The following SCAF4 variants were observed in gnomAD, a reference collection of about 807,000 sequenced individuals.
The protein encoded by SCAF4 is SR-related CTD associated factor 4.
A neutral mutation model predicts 129.8 loss-of-function variants in SCAF4; 25 were observed. The observed-to-expected ratio is 0.19, with a 90% CI of 0.14 to 0.27. The LOEUF (loss-of-function observed/expected upper bound fraction) is 0.27, where lower values mean the gene tolerates loss of function less well. SCAF4 is among the 10% of genes least tolerant of loss of function. The probability of loss-of-function intolerance (pLI) is 1.00; values close to 1 mark genes in which losing one functional copy is unlikely to be tolerated. For missense variants in SCAF4, 1,246 were observed against 1,457.1 expected (o/e 0.86, Z 2.36); for synonymous variants, 551 against 497.7 (o/e 1.11, Z -1.43).
At chr21:31,697,359 G>C (rs2050413136) in intron 7 of SCAF4, among the ~76,000 whole-genome samples, 1 of 152,148 alleles carries the variant, frequency 6.6e-6, no homozygotes, top group African/African-American at 2.4e-5. Flanking sequence ...CACATATCTA[G>C]AAGAACAATT....
At chr21:31,679,899 A>G (rs2049956832) in intron 19 of SCAF4, among the ~76,000 whole-genome samples, 1 of 152,234 alleles carries the variant, frequency 6.6e-6, no homozygotes, top group Non-Finnish European at 1.5e-5. Flanking sequence ...TGTTACTATA[A>G]TTGACAAAGT....
rs1442759577 is a variant in SCAF4, at chr21:31,692,026, C to A, written c.1615-96G>T. On this transcript the variant is annotated intron_variant, in intron 13 of 19. Transcript: ENST00000286835. ...GCAGTTCCAACAATCCCATCCCTCA[C>A]CCCATGCTATATAATGTAAGGTTAA... 35 of 653,014 alleles carry A rather than the reference C, an allele frequency of 5.4e-5. No homozygotes were observed. The Admixed American group carries it at 1.0e-3, about 19-fold the overall frequency. The allele number at this position is 653,014 out of a possible 1,614,324, so 40.5% of individuals were successfully genotyped here.
chr21:31,688,541 G>C, intron 15 of SCAF4, 77 bp from the exon 16 acceptor site: 1 of 1,265,496 alleles, frequency 7.9e-7, no homozygotes, highest in Middle Eastern at 1.9e-4. Context: ...GAAAAATGTT[G>C]ATTATAAAAA....
At chr21:31,727,071 T>G (rs553098581) in intron 1 of SCAF4, among the ~76,000 whole-genome samples, 1 of 151,930 alleles carries the variant, frequency 6.6e-6, no homozygotes, top group Non-Finnish European at 1.5e-5. Context: ...CTCTGCACTA[T>G]TTTTGTACTT....
intron 15 of SCAF4, among the ~76,000 whole-genome samples, chr21:31,690,355 C>T (rs61317198): frequency 0.057 from 8,615 of 151,990 alleles, 292 homozygotes; most frequent in African/African-American, 0.088. Context: ...CAAGGTGGCA[C>T]GCGCCTGTAG....
At position 31,692,363 on chromosome 21, in the gene SCAF4, T is replaced by C. The variant is rs780630325; in HGVS notation, c.1600A>G (p.Ile534Val). 1 of 1,613,104 alleles carries C rather than the reference T, an allele frequency of 6.2e-7. No individual in the cohort carries two copies. Among genetic ancestry groups the C allele is most frequent in the Admixed American group, 1.7e-5 (1 of 60,026 alleles). ...TAAACACTCACATTAATTGATTCAA[T>C]TGGACCAAACTCTTCCAAGAGACTG... is the stretch of plus-strand genomic sequence containing the variant. ...VASLLEEFGP[I>V]ESINMIPPRG... Residue 534 changes from isoleucine (I) to valine (V), a missense_variant, in exon 13 of 20, where the codon ATT becomes GTT. Transcript: ENST00000286835.
intron 9 of SCAF4, among the ~76,000 whole-genome samples, 159 bp from the exon 10 acceptor site, chr21:31,695,139 G>GC (rs918253966): frequency 2.6e-5 from 4 of 152,112 alleles, no homozygotes; most frequent in Non-Finnish European, 5.9e-5. Flanking sequence ...CAATTTCCAC[G>GC]CAAGAATTGT....
At chr21:31,731,212 C>T (rs2051346256) in intron 1 of SCAF4, among the ~76,000 whole-genome samples, 1 of 152,202 alleles carries the variant, frequency 6.6e-6, no homozygotes, top group Admixed American at 6.5e-5. Context: ...ACCTCTCCGC[C>T]AGCCCCACGA....
rs61592268 is a variant in SCAF4, at chr21:31,688,114, CAAAAA to C, written c.2043+188_2043+192del. On this transcript the variant is annotated intron_variant, in intron 16 of 19. Coordinates refer to ENST00000286835, the MANE Select transcript of SCAF4 (RefSeq NM_020706.2). Reference sequence around the variant, plus strand: ...TGGGCAACAAAGAGAGACTCTGTCTCAAAAAAAAAAAAAAAAAAAAAAAAAAAAAA... The same window carrying C: ...TGGGCAACAAAGAGAGACTCTGTCTCAAAAAAAAAAAAAAAAAAAAAAAAA... Among the ~76,000 whole-genome samples the C allele has an allele frequency of 1.4e-3, 15 of 10,900 alleles. No individual in the cohort carries two copies. In the East Asian group the frequency reaches 0.022, roughly 16 times the overall value. 7.2% of individuals were successfully genotyped at this position (10,900 alleles called of 152,430 possible). A position where few individuals can be genotyped will look rare whatever the true frequency, so the allele number is the denominator to read the frequency against.
At chr21:31,690,006 T>C (rs1310326327) in intron 15 of SCAF4, among the ~76,000 whole-genome samples, 1 of 152,120 alleles carries the variant, frequency 6.6e-6, no homozygotes, top group African/African-American at 2.4e-5. Context: ...TTCCTCTGTC[T>C]AGCAATCTCC....
At chr21:31,727,292 C>A (rs1322297805) in intron 1 of SCAF4, among the ~76,000 whole-genome samples, 1 of 151,680 alleles carries the variant, frequency 6.6e-6, no homozygotes, top group Non-Finnish European at 1.5e-5. Context: ...GTTAGCCAGG[C>A]TGGTCTGTAA....
At chr21:31,689,908 C>T (rs1305354710) in intron 15 of SCAF4, among the ~76,000 whole-genome samples, 1 of 151,864 alleles carries the variant, frequency 6.6e-6, no homozygotes, top group Non-Finnish European at 1.5e-5. Context: ...GCACTCCAGC[C>T]TTAGTGACAG....
chr21:31,693,442 T>C lies in SCAF4; in HGVS notation c.1365A>G (p.Arg455=), dbSNP rs1462837052. Residue 455 remains arginine, a synonymous_variant, in exon 12 of 20, where the codon CGA becomes CGG. Coordinates refer to ENST00000286835, the MANE Select transcript of SCAF4 (RefSeq NM_020706.2). ...ATCGAGAACGTCGATGCCGAGACCT[T>C]CGAGATCTAGAACCAGATCTAGATC... The part of the protein sequence containing the change: ...RRRSRSGSRS[R]RSRHRRSRSR... 6.4e-7 allele frequency: 1 copy of C among 1,551,820 alleles called. No homozygotes were observed. The highest frequency in any genetic ancestry group is 8.8e-7 in the Non-Finnish European group (1 of 1,137,956).
intron 4 of SCAF4, among the ~76,000 whole-genome samples, chr21:31,702,921 T>G (rs1202553190): frequency 1.3e-5 from 2 of 152,188 alleles, no homozygotes; most frequent in Non-Finnish European, 2.9e-5. Flanking sequence ...AAACAGCACC[T>G]ATGACACTGA....
chr21:31,703,947 G>T (rs769974933), intron 3 of SCAF4, 21 bp from the exon 4 acceptor site: 3 of 1,469,752 alleles, frequency 2.0e-6, no homozygotes, highest in Non-Finnish European at 2.8e-6. Context: ...AAAGATGTAA[G>T]ATCAGTACAG....
At chr21:31,673,987 G>A (rs533988846) in intron 19 of SCAF4, among the ~76,000 whole-genome samples, 150 of 152,306 alleles carry the variant, frequency 9.8e-4, no homozygotes, top group African/African-American at 3.5e-3. Context: ...CCAGAAAAAC[G>A]GGGGAAACAG....
chr21:31,690,242 T>C (rs993468396), intron 15 of SCAF4, among the ~76,000 whole-genome samples: 12 of 152,180 alleles, frequency 7.9e-5, no homozygotes, highest in South Asian at 6.2e-4. Context: ...GCCAACTCTA[T>C]GGGAGGTCGA....
At chr21:31,702,007 C>A in intron 5 of SCAF4, 89 bp from the exon 6 acceptor site, 1 of 1,481,450 alleles carries the variant, frequency 6.8e-7, no homozygotes, top group South Asian at 1.2e-5. Flanking sequence ...AACATTTTAT[C>A]CAATTTAACA....
chr21:31,716,567 G>A (rs1402765293), intron 1 of SCAF4, among the ~76,000 whole-genome samples: 1 of 152,070 alleles, frequency 6.6e-6, no homozygotes, highest in African/African-American at 2.4e-5. Flanking sequence ...CATAGACACT[G>A]TATAACAAAG....
Sources: gnomAD v4.1 joint callset for allele counts (sites outside exome capture counted in the v4.1 genomes callset) on GRCh38, gnomAD v4.1.1 for gene constraint, MANE v1.5 for transcripts, NCBI Gene and HGNC (gene_info 2026-07-23, HGNC 2026-07-21) for gene names.